MYO6: variants seen among roughly 807,000 people sequenced by gnomAD.
The protein encoded by MYO6 is unconventional myosin-VI.
A neutral mutation model predicts 178.7 loss-of-function variants in MYO6; 74 were observed. That is an observed-to-expected ratio of 0.41 (90% confidence interval 0.34 to 0.50). The LOEUF (loss-of-function observed/expected upper bound fraction) is 0.50, where lower values mean the gene tolerates loss of function less well. Ranked by LOEUF, MYO6 falls within the 20% of genes least tolerant of loss-of-function variation. MYO6 has a pLI of 0.09. For missense variants in MYO6, 1,330 were observed against 1,547.4 expected, an observed-to-expected ratio of 0.86 and a Z score of 2.36; for synonymous variants, 477 against 504.6, an observed-to-expected ratio of 0.95 and a Z score of 0.73.
intron 1 of MYO6, among the ~76,000 whole-genome samples, chr6:75,764,163 G>C (rs1778193446): frequency 6.6e-6 from 1 of 152,074 alleles, no homozygotes; most frequent in African/African-American, 2.4e-5. Context: ...CTCCACCTCA[G>C]CTTCCCAAAG....
intron 1 of MYO6, among the ~76,000 whole-genome samples, chr6:75,776,728 G>T (rs1766432236): frequency 6.6e-6 from 1 of 151,512 alleles, no homozygotes; most frequent in South Asian, 2.1e-4. Context: ...TCCCAGGCTG[G>T]TCTCAAATTC....
chr6:75,843,519 C>T (rs1019359840), intron 9 of MYO6, among the ~76,000 whole-genome samples: 40 of 152,026 alleles, frequency 2.6e-4, no homozygotes, highest in African/African-American at 9.7e-4. Flanking sequence ...TAAAAGGACA[C>T]GTTTCTATCC....
rs140939423 is a variant in MYO6 at position 75,753,864 on chromosome 6, C to T, written c.-48+4441C>T. Reference sequence around the variant, plus strand: ...ACTAGAATCTTTAAATATTTTGCAACGTCTTTCTAGTTACTGTTTTCAAAA... The same window carrying T: ...ACTAGAATCTTTAAATATTTTGCAATGTCTTTCTAGTTACTGTTTTCAAAA... On this transcript the variant is annotated intron_variant, in intron 1 of 34. Transcript: ENST00000369977. Among the ~76,000 whole-genome samples the T allele has an allele frequency of 8.1e-4, 123 of 152,190 alleles. No individual in the cohort carries two copies. In the East Asian group the frequency reaches 0.019, roughly 23 times the overall value.
At chr6:75,849,921 G>A (rs972074522) in intron 11 of MYO6, among the ~76,000 whole-genome samples, 1 of 152,066 alleles carries the variant, frequency 6.6e-6, no homozygotes. Context: ...GTTGGAATTA[G>A]GAGCATAGAT....
intron 1 of MYO6, among the ~76,000 whole-genome samples, chr6:75,755,445 C>A (rs1484575354): frequency 1.3e-5 from 2 of 152,032 alleles, no homozygotes; most frequent in African/African-American, 4.8e-5. Flanking sequence ...TAAATTGTTA[C>A]AGGTTATTTT....
At position 75,907,635 on chromosome 6, in the gene MYO6, T is replaced by C. The variant is rs727505051; in HGVS notation, c.3207T>C (p.Ala1069=). ...RGPAVLATKA[A]AGTKKYDLSK... is the part of the protein sequence containing the mutation. ...CTGCTGTACTAGCCACCAAAGCAGCTGCTGGTACTAAGAAATATGATCTTA... is the reference window on the plus strand; with the variant it reads ...CTGCTGTACTAGCCACCAAAGCAGCCGCTGGTACTAAGAAATATGATCTTA... The change falls in exon 31 of 35, where the codon GCT becomes GCC. Residue 1069 remains alanine (A), a synonymous_variant. Coordinates refer to ENST00000369977, the MANE Select transcript of MYO6 (RefSeq NM_004999.4). The C allele has an allele frequency of 3.1e-6, 5 of 1,613,766 alleles. No homozygotes were observed. The highest frequency in any genetic ancestry group is 4.2e-6 in the Non-Finnish European group (5 of 1,179,862).
intron 1 of MYO6, among the ~76,000 whole-genome samples, chr6:75,758,830 AT>A (rs1365494001): frequency 6.6e-6 from 1 of 151,966 alleles, no homozygotes; most frequent in Non-Finnish European, 1.5e-5. Context: ...ATTTTTAACG[AT>A]TATACAAATA....
At chr6:75,911,777 A>T in intron 33 of MYO6, 79 bp downstream of exon 33, 2 of 1,385,016 alleles carry the variant, frequency 1.4e-6, no homozygotes, top group African/African-American at 2.8e-5. Flanking sequence ...TTCTATTAAA[A>T]GTTGTTTTGC....
At position 75,840,565 on chromosome 6, in the gene MYO6, A is replaced by AT. The variant is rs1375613035; in HGVS notation, c.554-13dup. ...TTCCGTCATGCTAATTTTTTGATGG[A>AT]TTTTTTTGTTTCTCAATAGCTAACC... On this transcript the variant is annotated intron_variant, in intron 7 of 34. Coordinates refer to ENST00000369977, the MANE Select transcript of MYO6 (RefSeq NM_004999.4). The AT allele has an allele frequency of 1.9e-6, 3 of 1,565,094 alleles. No individual in the cohort carries two copies. The highest frequency in any genetic ancestry group is 2.6e-6 in the Non-Finnish European group (3 of 1,135,440).
At chr6:75,862,555 T>C (rs745522314) in intron 15 of MYO6, 41 bp from the exon 16 acceptor site, 7 of 1,553,806 alleles carry the variant, frequency 4.5e-6, no homozygotes, top group Non-Finnish European at 6.2e-6. Context: ...TAAAATGTTA[T>C]GTTTTTACAC....
chr6:75,854,930 T>C (rs1405098269), intron 11 of MYO6, among the ~76,000 whole-genome samples: 1 of 152,186 alleles, frequency 6.6e-6, no homozygotes, highest in African/African-American at 2.4e-5. Context: ...GATTATACCA[T>C]GGACTTCCCC....
rs199779483 is a variant in MYO6 at position 75,890,306 on chromosome 6, A to C, written c.2867+41A>C. On this transcript the variant is annotated intron_variant, in intron 26 of 34. Coordinates refer to ENST00000369977, the MANE Select transcript of MYO6 (RefSeq NM_004999.4). ...TATTTTGAATAAGAGACTTAAAGAA[A>C]TAGTGAATTCTTGGTATTGACAGTG... 21 of 1,611,488 alleles carry C rather than the reference A, an allele frequency of 1.3e-5. No individual in the cohort carries two copies. In the African/African-American group the frequency reaches 2.8e-4, roughly 22 times the overall value.
At chr6:75,785,040 T>C (rs1265912966) in intron 1 of MYO6, among the ~76,000 whole-genome samples, 3 of 152,212 alleles carry the variant, frequency 2.0e-5, no homozygotes, top group Non-Finnish European at 2.9e-5. Flanking sequence ...TTTAATTAAG[T>C]AAATGTAAAT....
chr6:75,858,723 A>G (rs530684891), intron 13 of MYO6, among the ~76,000 whole-genome samples, 179 bp from the exon 14 acceptor site: 4 of 152,332 alleles, frequency 2.6e-5, no homozygotes, highest in African/African-American at 9.6e-5. Context: ...AATACTTTTA[A>G]TGCCTATAAA....
Position 75,857,119 on chromosome 6 carries a change from G to A in MYO6, c.1246G>A (p.Ala416Thr). Residue 416 changes from alanine (A) to threonine (T), a missense_variant, in exon 13 of 35, where the codon GCA (alanine) becomes ACA (threonine). Physicochemically the swap from Ala to Thr is moderately conservative, Grantham distance 58 (BLOSUM62 0). This residue lies in a region of MYO6 where 613 missense variants were observed against 816.8 expected (regional missense o/e 0.75). Coordinates refer to ENST00000369977, the MANE Select transcript of MYO6 (RefSeq NM_004999.4). The part of the protein sequence containing the change: ...VIKVPLKVEQ[A>T]NNARDALAKT... ...TAGGGTACCTCTGAAAGTGGAGCAA[G>A]CAAACAATGCTCGTGATGCCCTGGC... The A allele has an allele frequency of 6.2e-7, 1 of 1,613,954 alleles. No individual in the cohort carries two copies. The highest frequency in any genetic ancestry group is 8.5e-7 in the Non-Finnish European group (1 of 1,179,912).
intron 3 of MYO6, among the ~76,000 whole-genome samples, chr6:75,828,189 A>G (rs1010059885): frequency 1.3e-5 from 2 of 152,170 alleles, no homozygotes; most frequent in African/African-American, 4.8e-5. Context: ...GATTGGTGTC[A>G]TCACTTTGTT....
intron 6 of MYO6, among the ~76,000 whole-genome samples, chr6:75,835,302 C>T (rs983446504): frequency 3.3e-5 from 5 of 152,088 alleles, no homozygotes; most frequent in Non-Finnish European, 5.9e-5. Context: ...ATTTATTTTT[C>T]ATTTTTATAA....
At chr6:75,907,189 C>T (rs925986509) in intron 30 of MYO6, among the ~76,000 whole-genome samples, 2 of 152,210 alleles carry the variant, frequency 1.3e-5, no homozygotes, top group African/African-American at 2.4e-5. Context: ...TGTGCAGCCT[C>T]ATTGCTCATA....
At chr6:75,827,273 C>T (rs1191204833) in intron 3 of MYO6, among the ~76,000 whole-genome samples, 2 of 151,974 alleles carry the variant, frequency 1.3e-5, no homozygotes, top group African/African-American at 4.8e-5. Flanking sequence ...TGTAGGGTAA[C>T]CTTTGTACTG....
Sources: gnomAD v4.1 joint callset for allele counts (sites outside exome capture counted in the v4.1 genomes callset) on GRCh38, gnomAD v4.1.1 for gene constraint, gnomAD v4.1.1 regional missense constraint, MANE v1.5 for transcripts, NCBI Gene and HGNC (gene_info 2026-07-23, HGNC 2026-07-21) for gene names.